Variants in CYP27A1 observed in about 807,000 individuals in gnomAD.
CYP27A1 encodes sterol 26-hydroxylase, mitochondrial.
Under a neutral mutation model 58.2 loss-of-function variants are expected in CYP27A1, and 46 were observed. That is an observed-to-expected ratio of 0.79 (90% CI 0.62 to 1.01). The LOEUF is 1.01. Among genes scored for constraint, CYP27A1 ranks in the 50% least tolerant of loss-of-function variants. The pLI is 0.00. For missense variants in CYP27A1, 704 were observed against 687.0 expected, an observed-to-expected ratio of 1.02 and a Z score of -0.28; for synonymous variants, 274 against 285.1, an observed-to-expected ratio of 0.96 and a Z score of 0.39.
rs1476102268 is a variant in CYP27A1, at chr2:218,782,774, G to T, written c.255+337G>T. ...AATGTGTAAGCTAACGGATATTATG[G>T]AATCACTAATTCTGGGCTGATATTG... On this transcript the variant is annotated intron_variant, in intron 1 of 8. Transcript: ENST00000258415. The surrounding 1 kb of genome is among the most constrained non-coding windows in gnomAD (Gnocchi z 4.1). 6.6e-6 allele frequency among the ~76,000 whole-genome samples: 1 copy of T among 152,098 alleles called. No individual in the cohort carries two copies. Among genetic ancestry groups the T allele is most frequent in the Non-Finnish European group, 1.5e-5 (1 of 68,012 alleles).
intron 1 of CYP27A1, among the ~76,000 whole-genome samples, chr2:218,797,040 A>G (rs974490709): frequency 3.8e-4 from 58 of 152,258 alleles, no homozygotes; most frequent in Non-Finnish European, 7.3e-4. Flanking sequence ...TTAGAAACAC[A>G]GTTGACAAAG....
At chr2:218,799,049 C>G (rs555126696) in intron 1 of CYP27A1, among the ~76,000 whole-genome samples, 43 of 152,304 alleles carry the variant, frequency 2.8e-4, no homozygotes, top group Admixed American at 1.6e-3. Flanking sequence ...AGGCCACCTT[C>G]AGATTCAAGA....
chr2:218,784,278 G>A (rs1426621670), intron 1 of CYP27A1, among the ~76,000 whole-genome samples: 2 of 152,192 alleles, frequency 1.3e-5, no homozygotes, highest in Non-Finnish European at 2.9e-5. Flanking sequence ...TAAGCTGTTG[G>A]AACTTTAAAA....
At chr2:218,795,049 G>A (rs1240378085) in intron 1 of CYP27A1, among the ~76,000 whole-genome samples, 1 of 152,190 alleles carries the variant, frequency 6.6e-6, no homozygotes, top group Non-Finnish European at 1.5e-5. Context: ...GGAGGGCCTA[G>A]AGAATAGGAA....
chr2:218,812,361 A>T lies in CYP27A1; in HGVS notation c.586A>T (p.Ser196Cys). ...MTRLDQLRAE[S>C]ASGNQVSDMA... ...TCGACTGGACCAGCTGCGGGCAGAG[A>T]GTGCTTCGGGGAACCAGGTGTCGGA... Residue 196 changes from serine to cysteine, a missense_variant, in exon 3 of 9, where the codon AGT becomes TGT. Coordinates refer to ENST00000258415, the MANE Select transcript of CYP27A1 (RefSeq NM_000784.4). 6.2e-7 allele frequency: 1 copy of T among 1,614,162 alleles called. No homozygotes were observed. Among genetic ancestry groups the T allele is most frequent in the Non-Finnish European group, 8.5e-7 (1 of 1,180,032 alleles).
At chr2:218,792,386 T>C (rs1441112643) in intron 1 of CYP27A1, among the ~76,000 whole-genome samples, 1 of 152,226 alleles carries the variant, frequency 6.6e-6, no homozygotes, top group Non-Finnish European at 1.5e-5. Flanking sequence ...AAGGTGTTTT[T>C]TTTGGTATTT....
intron 1 of CYP27A1, among the ~76,000 whole-genome samples, chr2:218,793,457 G>A (rs938828585): frequency 7.9e-5 from 12 of 152,106 alleles, no homozygotes; most frequent in African/African-American, 2.9e-4. Context: ...ACATAAGACA[G>A]CATGAGACAG....
At chr2:218,800,583 T>C (rs985159824) in intron 1 of CYP27A1, among the ~76,000 whole-genome samples, 1 of 152,124 alleles carries the variant, frequency 6.6e-6, no homozygotes, top group Non-Finnish European at 1.5e-5. Flanking sequence ...CATTTAGAAT[T>C]GAAATAACTT....
chr2:218,791,566 C>T (rs1010878496), intron 1 of CYP27A1, among the ~76,000 whole-genome samples: 5 of 152,124 alleles, frequency 3.3e-5, no homozygotes, highest in South Asian at 2.1e-4. Flanking sequence ...TCAAGGATAC[C>T]GTCTTCTTCT....
intron 2 of CYP27A1, among the ~76,000 whole-genome samples, chr2:218,810,434 C>T (rs567974995): frequency 5.0e-4 from 76 of 152,284 alleles, no homozygotes; most frequent in African/African-American, 1.7e-3. Context: ...AATCTATTTA[C>T]ATTTTTTTCT....
intron 2 of CYP27A1, among the ~76,000 whole-genome samples, chr2:218,811,536 A>T (rs1943715369): frequency 6.6e-6 from 1 of 152,142 alleles, no homozygotes; most frequent in South Asian, 2.1e-4. Flanking sequence ...TTGCCTAACC[A>T]AGGAGGAGGC....
At chr2:218,784,921 C>G (rs983602422) in intron 1 of CYP27A1, among the ~76,000 whole-genome samples, 1 of 152,162 alleles carries the variant, frequency 6.6e-6, no homozygotes, top group Non-Finnish European at 1.5e-5. Flanking sequence ...GTCTTTTTGG[C>G]ACCAGTTTTG....
At chr2:218,797,392 G>A (rs1163176816) in intron 1 of CYP27A1, among the ~76,000 whole-genome samples, 4 of 152,040 alleles carry the variant, frequency 2.6e-5, no homozygotes, top group Non-Finnish European at 4.4e-5. Flanking sequence ...GAGCCGTTGC[G>A]CCTGGCCTTA....
chr2:218,791,435 C>T (rs1161174019), intron 1 of CYP27A1, among the ~76,000 whole-genome samples: 1 of 152,176 alleles, frequency 6.6e-6, no homozygotes, highest in Non-Finnish European at 1.5e-5. Flanking sequence ...CATGAGTGCA[C>T]ACAACAGACC....
At position 218,782,175 on chromosome 2, in the gene CYP27A1, C is replaced by G. The variant is rs1332714619; in HGVS notation, c.-8C>G. 8.5e-6 allele frequency: 13 copies of G among 1,535,122 alleles called. No homozygotes were observed. The highest frequency in any genetic ancestry group is 1.1e-5 in the Non-Finnish European group (13 of 1,146,090). ...CGACCCAAAGGTGCAGGCGCGCGAG[C>G]ACAACCCATGGCTGCGCTGGGCTGC... On this transcript the variant is annotated 5_prime_UTR_variant, in exon 1 of 9. Coordinates refer to ENST00000258415, the MANE Select transcript of CYP27A1 (RefSeq NM_000784.4). The surrounding 1 kb of genome is among the most constrained non-coding windows in gnomAD (Gnocchi z 4.1).
At chr2:218,795,723 T>A (rs1943541864) in intron 1 of CYP27A1, among the ~76,000 whole-genome samples, 1 of 152,208 alleles carries the variant, frequency 6.6e-6, no homozygotes, top group Non-Finnish European at 1.5e-5. Flanking sequence ...AGTTTAGAAT[T>A]TAATTACAAA....
At chr2:218,796,075 C>T (rs535351731) in intron 1 of CYP27A1, among the ~76,000 whole-genome samples, 73 of 152,126 alleles carry the variant, frequency 4.8e-4, no homozygotes, top group Admixed American at 7.9e-4. Flanking sequence ...TTACTGACCA[C>T]GGGTCAGGAA....
intron 1 of CYP27A1, among the ~76,000 whole-genome samples, chr2:218,793,776 A>T (rs1006291056): frequency 6.1e-5 from 9 of 148,292 alleles, no homozygotes; most frequent in African/African-American, 2.3e-4. Flanking sequence ...GTGCAGTTGC[A>T]CCATCTCGGC....
chr2:218,805,280 A>G (rs545887878), intron 1 of CYP27A1, among the ~76,000 whole-genome samples: 2 of 152,192 alleles, frequency 1.3e-5, no homozygotes, highest in East Asian at 3.9e-4. Context: ...CCCCCTTTCT[A>G]TGTCTGTCTC....
Sources: allele counts gnomAD v4.1 joint callset (sites outside exome capture counted in the v4.1 genomes callset), GRCh38; gene constraint gnomAD v4.1.1; non-coding constraint Gnocchi (gnomAD v3.1); transcripts MANE v1.5; gene names NCBI Gene and HGNC (gene_info 2026-07-23, HGNC 2026-07-21).